The following SNX29 variants were observed in gnomAD, a reference collection of about 807,000 sequenced individuals.
SNX29 encodes the protein sorting nexin 29, also known as sorting nexin-29.
A neutral mutation model predicts 102.1 loss-of-function variants in SNX29; 78 were observed. The observed-to-expected ratio is 0.76, with a 90% CI of 0.64 to 0.92. The LOEUF (loss-of-function observed/expected upper bound fraction) is 0.92. Ranked by LOEUF, SNX29 falls within the 40% of genes least tolerant of loss-of-function variation. The pLI is 0.00. For synonymous variants in SNX29, 580 were observed against 414.5 expected (o/e 1.40, Z -4.85); for missense variants, 1,280 against 1,061.7 (o/e 1.21, Z -2.86).
At chr16:12,242,935 A>ATTCC (rs1331039679) in intron 14 of SNX29, among the ~76,000 whole-genome samples, 1 of 152,082 alleles carries the variant, frequency 6.6e-6, no homozygotes, top group East Asian at 1.9e-4. Context: ...GGTGTGGGCC[A>ATTCC]CCATACCCAA....
At chr16:11,984,804 G>A (rs1048242335) in intron 1 of SNX29, among the ~76,000 whole-genome samples, 40 of 152,136 alleles carry the variant, frequency 2.6e-4, no homozygotes, top group Non-Finnish European at 4.4e-5. Flanking sequence ...CTAAAGGTGC[G>A]CCACCACACC....
At chr16:12,082,511 G>C (rs2051952422) in intron 11 of SNX29, among the ~76,000 whole-genome samples, 1 of 150,978 alleles carries the variant, frequency 6.6e-6, no homozygotes, top group Admixed American at 6.6e-5. Flanking sequence ...AAACATGCTC[G>C]AGTTAGGCCA....
In SNX29 at chr16:12,498,211, GC is replaced by G. The variant is rs67052520; in HGVS notation, c.2178+20355del. Among the ~76,000 whole-genome samples, 477 of 152,286 alleles carry G rather than the reference GC, an allele frequency of 3.1e-3. 7 individuals carry two copies. The highest frequency in any genetic ancestry group is 0.011 in the African/African-American group (448 of 41,552). On this transcript the variant is annotated intron_variant, in intron 19 of 20. Coordinates refer to ENST00000566228, the MANE Select transcript of SNX29 (RefSeq NM_032167.5). ...TTATGGAACAACGCAACTTCCTCTG[GC>G]CCATGAGGCCCACTGAGAAGTCAGC...
intron 18 of SNX29, among the ~76,000 whole-genome samples, chr16:12,439,970 G>C (rs2085726938): frequency 6.6e-6 from 1 of 152,216 alleles, no homozygotes; most frequent in South Asian, 2.1e-4. Flanking sequence ...TGTGGGTGCA[G>C]GGGACGTGGG....
chr16:12,549,263 AG>A (rs2077809157), intron 20 of SNX29, among the ~76,000 whole-genome samples: 1 of 152,172 alleles, frequency 6.6e-6, no homozygotes, highest in Non-Finnish European at 1.5e-5. Context: ...TGGGAGGCTG[AG>A]GTGGTAGATC....
In SNX29 at chr16:12,433,626, G is replaced by T. The variant is rs1376862215; in HGVS notation, c.2037+30097G>T. Among the ~76,000 whole-genome samples the T allele has an allele frequency of 5.5e-5, 6 of 109,476 alleles. No homozygotes were observed. In the South Asian group the frequency reaches 1.6e-3, roughly 29 times the overall value. The allele number at this position is 109,476 out of a possible 152,430, so 71.8% of individuals were successfully genotyped here. A position where few individuals can be genotyped will look rare whatever the true frequency, so the allele number is the denominator to read the frequency against. ...AGCCTGGGCAACAGAGCAAGACTGC[G>T]TCTCAAAAAAAAAAAAAAAAAAAAG... On this transcript the variant is annotated intron_variant, in intron 18 of 20. Transcript: ENST00000566228.
intron 19 of SNX29, among the ~76,000 whole-genome samples, chr16:12,486,793 T>TCC (rs971093745): frequency 3.9e-5 from 6 of 152,322 alleles, no homozygotes; most frequent in East Asian, 3.9e-4. Context: ...CACCCACCGC[T>TCC]CCACCCTTGC....
At chr16:12,282,748 C>G (rs1188711406) in intron 15 of SNX29, among the ~76,000 whole-genome samples, 3 of 152,196 alleles carry the variant, frequency 2.0e-5, no homozygotes, top group Non-Finnish European at 4.4e-5. Flanking sequence ...CTCCCCCTCC[C>G]AGGTTCAAGC....
chr16:12,182,698 G>A (rs1388317900), intron 13 of SNX29, among the ~76,000 whole-genome samples: 2 of 152,094 alleles, frequency 1.3e-5, no homozygotes, highest in African/African-American at 4.8e-5. Context: ...GGGACGCTGA[G>A]GCGGGTGGAT....
At chr16:12,320,153 A>G (rs2080884087) in intron 15 of SNX29, among the ~76,000 whole-genome samples, 1 of 152,084 alleles carries the variant, frequency 6.6e-6, no homozygotes, top group Non-Finnish European at 1.5e-5. Context: ...TACGCTTGAG[A>G]GACAGAGTAA....
intron 19 of SNX29, among the ~76,000 whole-genome samples, chr16:12,500,887 C>T (rs139921755): frequency 4.1e-4 from 63 of 152,300 alleles, no homozygotes; most frequent in African/African-American, 6.3e-4. Flanking sequence ...CCTTCCTCCC[C>T]GCCTCACCTT....
Position 12,116,114 on chromosome 16 carries a change from A to C in SNX29, c.1403-10519A>C, listed in dbSNP as rs2053688985. On this transcript the variant is annotated intron_variant, in intron 11 of 20. Coordinates refer to ENST00000566228, the MANE Select transcript of SNX29 (RefSeq NM_032167.5). ...AAGTGCAATATAGTGATTTTGAAAAACTCTCTCTCCTAATTGTGGGAAACA... is the reference window on the plus strand; with the variant it reads ...AAGTGCAATATAGTGATTTTGAAAACCTCTCTCTCCTAATTGTGGGAAACA... Among the ~76,000 whole-genome samples, 3 of 151,584 alleles carry C rather than the reference A, an allele frequency of 2.0e-5. 1 individual carries two copies. In the South Asian group the frequency reaches 6.3e-4, roughly 32 times the overall value.
chr16:12,271,489 T>G (rs1263044271), intron 14 of SNX29, among the ~76,000 whole-genome samples: 1 of 152,108 alleles, frequency 6.6e-6, no homozygotes, highest in Non-Finnish European at 1.5e-5. Flanking sequence ...TTATTGGAGG[T>G]GAGTCAATAA....
chr16:12,554,244 G>A (rs545753651), intron 20 of SNX29, among the ~76,000 whole-genome samples: 20 of 152,340 alleles, frequency 1.3e-4, no homozygotes, highest in Middle Eastern at 3.4e-3. Flanking sequence ...TCCCTCGGCT[G>A]CATCGTCTCT....
At chr16:12,418,628 C>G (rs2084744559) in intron 18 of SNX29, among the ~76,000 whole-genome samples, 1 of 152,112 alleles carries the variant, frequency 6.6e-6, no homozygotes, top group South Asian at 2.1e-4. Flanking sequence ...GATTCTCCTG[C>G]CTCAGCCTTC....
chr16:12,437,890 A>T (rs1196679071), intron 18 of SNX29, among the ~76,000 whole-genome samples: 1 of 152,010 alleles, frequency 6.6e-6, no homozygotes, highest in East Asian at 1.9e-4. Flanking sequence ...TGGCATCTTC[A>T]TGCTGGGCTT....
chr16:12,293,151 A>G (rs575358199), intron 15 of SNX29, among the ~76,000 whole-genome samples: 1 of 152,348 alleles, frequency 6.6e-6, no homozygotes, highest in East Asian at 1.9e-4. Context: ...TATGTTGGCC[A>G]GGCCAGTCTT....
intron 14 of SNX29, among the ~76,000 whole-genome samples, chr16:12,230,828 G>GTATT (rs1246251846): frequency 9.5e-5 from 9 of 94,748 alleles, no homozygotes; most frequent in Admixed American, 1.0e-4. Flanking sequence ...TCGTATGTAT[G>GTATT]TATGTATGTA....
At chr16:12,470,258 G>A (rs946103086) in intron 18 of SNX29, among the ~76,000 whole-genome samples, 6 of 152,200 alleles carry the variant, frequency 3.9e-5, no homozygotes, top group African/African-American at 1.4e-4. Flanking sequence ...GGAGGCATTT[G>A]GTCTATGCTG....
Sources: allele counts gnomAD v4.1 joint callset (sites outside exome capture counted in the v4.1 genomes callset), GRCh38; gene constraint gnomAD v4.1.1; transcripts MANE v1.5; gene names NCBI Gene and HGNC (gene_info 2026-07-23, HGNC 2026-07-21).